GMPPB: variants seen among roughly 807,000 people sequenced by gnomAD.
GMPPB encodes mannose-1-phosphate guanylyltransferase catalytic subunit beta.
A neutral mutation model predicts 40.3 loss-of-function variants in GMPPB; 38 were observed. That is an observed-to-expected ratio of 0.94 (90% CI 0.73 to 1.24). The LOEUF (loss-of-function observed/expected upper bound fraction) is 1.24, where lower values mean the gene tolerates loss of function less well. GMPPB is among the 50% of genes most tolerant of loss of function. The probability of loss-of-function intolerance (pLI) is 0.00; values close to 1 mark genes in which losing one functional copy is unlikely to be tolerated. For synonymous variants in GMPPB, 193 were observed against 191.8 expected, an observed-to-expected ratio of 1.01 and a Z score of -0.05; for missense variants, 436 against 487.1, an observed-to-expected ratio of 0.90 and a Z score of 0.99.
At position 49,721,008 on chromosome 3, in the gene GMPPB, T is replaced by G. The variant is rs2080393442; in HGVS notation, c.*744A>C. Reference sequence around the variant, plus strand: ...TCCAACTCCAGCCCACCCTTCACTCTCCTCCCTGCAGCCCACCAGTGAGGA... The same window carrying G: ...TCCAACTCCAGCCCACCCTTCACTCGCCTCCCTGCAGCCCACCAGTGAGGA... On this transcript the variant is annotated 3_prime_UTR_variant, in exon 9 of 9. Coordinates refer to ENST00000308388, the MANE Select transcript of GMPPB (RefSeq NM_021971.4). 1.2e-6 allele frequency: 2 copies of G among 1,609,576 alleles called. No homozygotes were observed. The highest frequency in any genetic ancestry group is 1.7e-5 in the Admixed American group (1 of 59,818).
chr3:49,720,597 C>T lies in GMPPB; in HGVS notation c.*1155G>A. ...TATCTCCTGGGACAGCCAGAGCCCC[C>T]AGCACCTGGCACTGCTCTGCCAGCC... On this transcript the variant is annotated 3_prime_UTR_variant, in exon 9 of 9. Coordinates refer to ENST00000308388, the MANE Select transcript of GMPPB (RefSeq NM_021971.4). The T allele has an allele frequency of 6.2e-7, 1 of 1,611,198 alleles. No homozygotes were observed. Among genetic ancestry groups the T allele is most frequent in the Non-Finnish European group, 8.5e-7 (1 of 1,178,188 alleles).
intron 6 of GMPPB, 24 bp from the exon 7 acceptor site, chr3:49,722,382 G>A: frequency 1.2e-6 from 2 of 1,613,414 alleles, no homozygotes; most frequent in East Asian, 2.2e-5. Context: ...TGCATCAGGG[G>A]CCTCAGCCCA....
Position 49,720,409 on chromosome 3 carries a change from G to A in GMPPB, c.*1343C>T. On this transcript the variant is annotated 3_prime_UTR_variant, in exon 9 of 9. Coordinates refer to ENST00000308388, the MANE Select transcript of GMPPB (RefSeq NM_021971.4). ...GGGAGACGGAAAGGATGCAGGGGGG[G>A]TGATCATGTACGAGCCATGGCACTC... The A allele has an allele frequency of 8.3e-7, 1 of 1,200,280 alleles. No individual in the cohort carries two copies. The allele number at this position is 1,200,280 out of a possible 1,614,324, so 74.4% of individuals were successfully genotyped here.
Position 49,721,167 on chromosome 3 carries a change from TC to T in GMPPB, c.*584del. Reference sequence around the variant, plus strand: ...GTAGGTACATGCAGGGCAGTCCTCATCCCCTCCCCTGTTGTAGAGCCTGTAT... The same window carrying T: ...GTAGGTACATGCAGGGCAGTCCTCATCCCTCCCCTGTTGTAGAGCCTGTAT... On this transcript the variant is annotated 3_prime_UTR_variant, in exon 9 of 9. Coordinates refer to ENST00000308388, the MANE Select transcript of GMPPB (RefSeq NM_021971.4). The T allele has an allele frequency of 6.2e-7, 1 of 1,614,072 alleles. No homozygotes were observed. The highest frequency in any genetic ancestry group is 8.5e-7 in the Non-Finnish European group (1 of 1,180,012).
chr3:49,720,922 ATG>A lies in GMPPB; in HGVS notation c.*828_*829del. The A allele has an allele frequency of 6.2e-7, 1 of 1,612,834 alleles. No individual in the cohort carries two copies. Among genetic ancestry groups the A allele is most frequent in the East Asian group, 2.2e-5 (1 of 44,868 alleles). ...GAGTGGGAACACGGTGCACAGGTCC[ATG>A]CCACTTGAATATGTGTGCACTCCTA... On this transcript the variant is annotated 3_prime_UTR_variant, in exon 9 of 9. Coordinates refer to ENST00000308388, the MANE Select transcript of GMPPB (RefSeq NM_021971.4).
Position 49,722,294 on chromosome 3 carries a change from T to C in GMPPB, c.705A>G (p.Ser235=). 1 of 1,613,890 alleles carries C rather than the reference T, an allele frequency of 6.2e-7. No individual in the cohort carries two copies. Among genetic ancestry groups the C allele is most frequent in the Non-Finnish European group, 8.5e-7 (1 of 1,179,958 alleles). ...FLTGMCLFLQ[S]LRQKQPERLC... is the part of the protein sequence containing the mutation. ...GCCGCTCAGGCTGCTTCTGCCTCAGTGACTGCAGGAAGAGGCACATGCCAG... is the reference window on the plus strand; with the variant it reads ...GCCGCTCAGGCTGCTTCTGCCTCAGCGACTGCAGGAAGAGGCACATGCCAG... The change falls in exon 7 of 9, where the codon TCA becomes TCG. Residue 235 remains serine, a synonymous_variant. Transcript: ENST00000308388.
rs561212361 is a variant in GMPPB at position 49,721,273 on chromosome 3, G to C, written c.*479C>G. 6.2e-7 allele frequency: 1 copy of C among 1,614,222 alleles called. No homozygotes were observed. The highest frequency in any genetic ancestry group is 1.3e-5 in the African/African-American group (1 of 75,048). On this transcript the variant is annotated 3_prime_UTR_variant, in exon 9 of 9. Transcript: ENST00000308388. ...GTCTGTAGAGGACTGGGAGAAGGGA[G>C]CCAATACGAGTACTACCTCCTCAGC...
chr3:49,722,208 G>A, intron 7 of GMPPB, 23 bp downstream of exon 7: 1 of 1,609,942 alleles, frequency 6.2e-7, no homozygotes, highest in Non-Finnish European at 8.5e-7. Context: ...GGGGGTTAAT[G>A]ATGGGCTGGG....
Position 49,722,422 on chromosome 3 carries a change from C to G in GMPPB, c.640+10G>C, listed in dbSNP as rs769641702. The G allele has an allele frequency of 1.9e-6, 3 of 1,613,986 alleles. No individual in the cohort carries two copies. The highest frequency in any genetic ancestry group is 2.7e-5 in the African/African-American group (2 of 74,924). ...CAGACCACCCCCACCCTGTGGCCTC[C>G]CTGCCTCACCCTGTAACTCCATGGC... On this transcript the variant is annotated intron_variant, in intron 6 of 8. Coordinates refer to ENST00000308388, the MANE Select transcript of GMPPB (RefSeq NM_021971.4).
At position 49,721,737 on chromosome 3, in the gene GMPPB, C is replaced by T. The variant is rs1247604771; in HGVS notation, c.*15G>A. The T allele has an allele frequency of 6.3e-7, 1 of 1,585,352 alleles. No homozygotes were observed. Among genetic ancestry groups the T allele is most frequent in the Non-Finnish European group, 8.5e-7 (1 of 1,169,698 alleles). On this transcript the variant is annotated 3_prime_UTR_variant, in exon 9 of 9. Transcript: ENST00000308388. Reference sequence around the variant, plus strand: ...GATGGGAAAACCGGGGCTCGGCCAGCCCCACTGCATCCCCTCACATGATGA... The same window carrying T: ...GATGGGAAAACCGGGGCTCGGCCAGTCCCACTGCATCCCCTCACATGATGA...
At position 49,721,972 on chromosome 3, in the gene GMPPB, C is replaced by A; in HGVS notation, c.944G>T (p.Gly315Val). 4 of 1,592,850 alleles carry A rather than the reference C, an allele frequency of 2.5e-6. No individual in the cohort carries two copies. Among genetic ancestry groups the A allele is most frequent in the Non-Finnish European group, 3.4e-6 (4 of 1,164,636 alleles). ...SCIVGWRCRV[G>V]QWVRMENVTV... is the part of the protein sequence containing the mutation. ...CCCAGCCCACAGGCTTACCCACTGA[C>A]CCACGCGGCAGCGCCAGCCCACAAT... The change falls in exon 8 of 9, where the codon GGT becomes GTT. Residue 315 changes from glycine to valine, a missense_variant. Physicochemically the swap from Gly to Val is moderately radical, Grantham distance 109. Transcript: ENST00000308388.
At chr3:49,722,547 G>A (rs766986329) in intron 5 of GMPPB, 37 bp from the exon 6 acceptor site, 70 of 1,613,304 alleles carry the variant, frequency 4.3e-5, no homozygotes, top group South Asian at 6.6e-5. Flanking sequence ...GGGTCATGGC[G>A]GTGATGGCCT....
At position 49,721,143 on chromosome 3, in the gene GMPPB, T is replaced by C. The variant is rs951734658; in HGVS notation, c.*609A>G. On this transcript the variant is annotated 3_prime_UTR_variant, in exon 9 of 9. Coordinates refer to ENST00000308388, the MANE Select transcript of GMPPB (RefSeq NM_021971.4). ...CACAGCTTGGTGGTGGGGAGAGCAG[T>C]AGGTACATGCAGGGCAGTCCTCATC... 1 of 1,614,036 alleles carries C rather than the reference T, an allele frequency of 6.2e-7. No homozygotes were observed. Among genetic ancestry groups the C allele is most frequent in the Non-Finnish European group, 8.5e-7 (1 of 1,179,950 alleles).
rs201383686 is a variant in GMPPB at position 49,720,820 on chromosome 3, G to A, written c.*932C>T. 19 of 1,614,190 alleles carry A rather than the reference G, an allele frequency of 1.2e-5. No homozygotes were observed. The highest frequency in any genetic ancestry group is 2.7e-5 in the African/African-American group (2 of 75,044). On this transcript the variant is annotated 3_prime_UTR_variant, in exon 9 of 9. Transcript: ENST00000308388. ...CCCAGATGCGGATTATATCAGTGCC[G>A]ATGAGCTGGCCCAAGTGGAACAGAT...
Position 49,722,512 on chromosome 3 carries a change from T to G in GMPPB, c.562-2A>C, listed in dbSNP as rs1409137227. 1.2e-6 allele frequency: 2 copies of G among 1,614,166 alleles called. No individual in the cohort carries two copies. Among genetic ancestry groups the G allele is most frequent in the Admixed American group, 3.3e-5 (2 of 60,022 alleles). On this transcript the variant is annotated splice_acceptor_variant, in intron 5 of 8. Transcript: ENST00000308388. LOFTEE classifies it high-confidence loss of function. ...CTTCTCAATGGACGTAGGCTGCAGC[T>G]GTGGGAGTGGGCAGCTTGTGAGCAG... is the stretch of plus-strand genomic sequence containing the variant.
chr3:49,721,928 C>T lies in GMPPB; in HGVS notation c.951+37G>A, dbSNP rs758354311. On this transcript the variant is annotated intron_variant, in intron 8 of 8. Coordinates refer to ENST00000308388, the MANE Select transcript of GMPPB (RefSeq NM_021971.4). ...TTGTCAGGGAGGCAGGCACACTCCC[C>T]GCCCCTCTCCCCACCCAGCCCAGCC... 8.1e-6 allele frequency: 13 copies of T among 1,613,564 alleles called. No homozygotes were observed. Among genetic ancestry groups the T allele is most frequent in the Middle Eastern group, 1.6e-4 (1 of 6,062 alleles).
chr3:49,723,441 C>T lies in GMPPB; in HGVS notation c.161G>A (p.Ser54Asn), dbSNP rs1206607511. 1.9e-6 allele frequency: 3 copies of T among 1,614,096 alleles called. No individual in the cohort carries two copies. Among genetic ancestry groups the T allele is most frequent in the South Asian group, 1.1e-5 (1 of 91,080 alleles). ...CTTCTCCAGCACCTGCGACATGTAGCTCACGGCCAGGATCACGTGGTCCAC... is the reference window on the plus strand; with the variant it reads ...CTTCTCCAGCACCTGCGACATGTAGTTCACGGCCAGGATCACGTGGTCCAC... Reference protein sequence around the residue: ...AGVDHVILAVSYMSQVLEKEM... With the variant: ...AGVDHVILAVNYMSQVLEKEM... The change falls in exon 2 of 9, where the codon AGC becomes AAC. Residue 54 changes from serine to asparagine, a missense_variant. Physicochemically the swap from Ser to Asn is conservative, Grantham distance 46. Coordinates refer to ENST00000308388, the MANE Select transcript of GMPPB (RefSeq NM_021971.4).
chr3:49,721,204 C>T lies in GMPPB; in HGVS notation c.*548G>A, dbSNP rs754581862. 1.9e-6 allele frequency: 3 copies of T among 1,614,220 alleles called. No homozygotes were observed. Among genetic ancestry groups the T allele is most frequent in the Non-Finnish European group, 2.5e-6 (3 of 1,180,044 alleles). On this transcript the variant is annotated 3_prime_UTR_variant, in exon 9 of 9. Coordinates refer to ENST00000308388, the MANE Select transcript of GMPPB (RefSeq NM_021971.4). ...TTGTAGAGCCTGTATCAACCAGCAC[C>T]TGATGAACAACAAGGACTGCTTCTT...
chr3:49,723,536 C>T, intron 1 of GMPPB, 62 bp downstream of exon 1: 1 of 1,611,044 alleles, frequency 6.2e-7, no homozygotes, highest in South Asian at 1.1e-5. Flanking sequence ...GACCCCTAGT[C>T]GCTGGCCATC....
Sources: gnomAD v4.1 joint callset for allele counts on GRCh38, gnomAD v4.1.1 for gene constraint, MANE v1.5 for transcripts, NCBI Gene and HGNC (gene_info 2026-07-23, HGNC 2026-07-21) for gene names.